Variants in CAST observed in about 807,000 individuals in gnomAD.
CAST encodes MIR583 host.
CAST carries 76 observed loss-of-function variants against 119.6 expected under a neutral mutation model. That is an observed-to-expected ratio of 0.64 (90% CI 0.53 to 0.77). The LOEUF (loss-of-function observed/expected upper bound fraction) is 0.77. Ranked by LOEUF, CAST falls within the 30% of genes least tolerant of loss-of-function variation. The pLI is 0.00. For missense variants in CAST, 953 were observed against 946.5 expected, an observed-to-expected ratio of 1.01 and a Z score of -0.09; for synonymous variants, 319 against 331.6, an observed-to-expected ratio of 0.96 and a Z score of 0.41.
At position 96,774,566 on chromosome 5, in the gene CAST, C is replaced by G. The variant is rs1773661992; in HGVS notation, c.*1950C>G. 2.0e-6 allele frequency: 2 copies of G among 985,332 alleles called. No homozygotes were observed. The highest frequency in any genetic ancestry group is 3.5e-5 in the African/African-American group (2 of 57,194). 61.0% of individuals were successfully genotyped at this position (985,332 alleles called of 1,614,324 possible). ...ATATTGTATCTGTTTAGAAAATGGG[C>G]TTTTCCAAAAGCAAACAAAGATAGG... On this transcript the variant is annotated 3_prime_UTR_variant, in exon 32 of 32. Transcript: ENST00000675179.
the CAST span, chr5:96,393,232 T>G: frequency 1.2e-6 from 2 of 1,613,856 alleles, no homozygotes; most frequent in African/African-American, 2.7e-5. Context: ...GCGGTGAGTT[T>G]TTACTGAAAG....
chr5:96,061,699 G>A, the CAST span, among the ~76,000 whole-genome samples: 6 of 151,840 alleles, frequency 4.0e-5, no homozygotes, highest in Non-Finnish European at 8.8e-5. Context: ...GTAGCCAGAA[G>A]TAAGAATACT....
At chr5:96,386,793 T>C in the CAST span, among the ~76,000 whole-genome samples, 2 of 152,132 alleles carry the variant, frequency 1.3e-5, no homozygotes, top group African/African-American at 4.8e-5. Context: ...GGCAAAACCC[T>C]GTCTCAACTG....
upstream of CAST, among the ~76,000 whole-genome samples, chr5:96,524,809 A>G (rs1580810200): frequency 6.6e-6 from 1 of 152,294 alleles, no homozygotes; most frequent in Admixed American, 6.5e-5. Context: ...GGAGAATCTT[A>G]CTTTTCAAAC....
the CAST span, among the ~76,000 whole-genome samples, chr5:96,502,692 T>A: frequency 6.6e-6 from 1 of 151,334 alleles, no homozygotes; most frequent in Non-Finnish European, 1.5e-5. Flanking sequence ...TTGACCTCTA[T>A]CTGCTTTTGG....
At position 96,741,610 on chromosome 5, in the gene CAST, G is replaced by T. The variant is rs778122707; in HGVS notation, c.1098+30G>T. On this transcript the variant is annotated intron_variant, in intron 15 of 31. Transcript: ENST00000675179. ...AGTCACAGTCTACCTGACAGCAGTT[G>T]CTTTCCAGAGCCTGATCTAGCTCAT... 8.3e-6 allele frequency: 12 copies of T among 1,444,480 alleles called. No homozygotes were observed. In the South Asian group the frequency reaches 1.4e-4, roughly 17 times the overall value. The allele number at this position is 1,444,480 out of a possible 1,614,324, so 89.5% of individuals were successfully genotyped here. A position where few individuals can be genotyped will look rare whatever the true frequency, so the allele number is the denominator to read the frequency against.
chr5:96,765,046 T>C lies in CAST; in HGVS notation c.1933-175T>C, dbSNP rs573417843. On this transcript the variant is annotated intron_variant, in intron 25 of 31. Coordinates refer to ENST00000675179, the MANE Select transcript of CAST (RefSeq NM_001750.7). ...ACAGATACTGCCGCTCTTCTCCTGA[T>C]CTTCCATTCCTAGGCTTCTCTTCTC... Among the ~76,000 whole-genome samples the C allele has an allele frequency of 1.4e-4, 22 of 152,164 alleles. No homozygotes were observed. The East Asian group carries it at 4.3e-3, about 30-fold the overall frequency.
the CAST span, among the ~76,000 whole-genome samples, chr5:96,458,199 A>C: frequency 6.6e-6 from 1 of 152,222 alleles, no homozygotes; most frequent in Non-Finnish European, 1.5e-5. Context: ...TGTAAGACAG[A>C]AAAAGTTAGA....
At chr5:96,748,060 C>G (rs189141250) in intron 18 of CAST, among the ~76,000 whole-genome samples, 75 of 152,298 alleles carry the variant, frequency 4.9e-4, no homozygotes, top group Non-Finnish European at 4.4e-4. Context: ...ACTAATACCA[C>G]TCTCCTGAAA....
chr5:96,005,068 A>G, the CAST span, among the ~76,000 whole-genome samples: 1 of 152,228 alleles, frequency 6.6e-6, no homozygotes, highest in African/African-American at 2.4e-5. Flanking sequence ...TTCTATACTT[A>G]GCCAAACCAT....
chr5:96,441,708 G>C, the CAST span, among the ~76,000 whole-genome samples: 1 of 152,132 alleles, frequency 6.6e-6, no homozygotes, highest in African/African-American at 2.4e-5. Flanking sequence ...GCATTAGTAC[G>C]TTTGACATTC....
At position 96,671,026 on chromosome 5, in the gene CAST, G is replaced by A. The variant is rs557944680; in HGVS notation, c.76-4513G>A. 3.3e-5 allele frequency among the ~76,000 whole-genome samples: 5 copies of A among 152,344 alleles called. No individual in the cohort carries two copies. The South Asian group carries it at 1.0e-3, about 32-fold the overall frequency. ...TGCTATGGCAGATTTTAAACGTATA[G>A]AGGCTGTCACCTAGAATGAGGACAA... On this transcript the variant is annotated intron_variant, in intron 1 of 31. Coordinates refer to ENST00000675179, the MANE Select transcript of CAST (RefSeq NM_001750.7).
the CAST span, among the ~76,000 whole-genome samples, chr5:96,216,160 C>T: frequency 2.0e-5 from 3 of 152,008 alleles, no homozygotes; most frequent in African/African-American, 7.3e-5. Flanking sequence ...TGTAAGAATA[C>T]AGTATATAGG....
At chr5:95,965,494 T>C in the CAST span, among the ~76,000 whole-genome samples, 1 of 152,250 alleles carries the variant, frequency 6.6e-6, no homozygotes, top group African/African-American at 2.4e-5. Context: ...TAATTCTTAT[T>C]AATGTCTTAA....
chr5:96,311,554 T>G, the CAST span, among the ~76,000 whole-genome samples: 3 of 152,078 alleles, frequency 2.0e-5, no homozygotes, highest in African/African-American at 7.2e-5. Context: ...TCTTAATATT[T>G]GTTTTATATA....
the CAST span, among the ~76,000 whole-genome samples, chr5:96,384,343 A>C: frequency 2.0e-5 from 3 of 152,320 alleles, no homozygotes; most frequent in South Asian, 4.1e-4. Flanking sequence ...GACAAGATAT[A>C]ATTATTGTTC....
intron 1 of CAST, among the ~76,000 whole-genome samples, chr5:96,655,241 A>G (rs1047385653): frequency 6.6e-6 from 1 of 152,226 alleles, no homozygotes; most frequent in Non-Finnish European, 1.5e-5. Flanking sequence ...TTAGATAACC[A>G]GATGGGAGAT....
At position 96,750,622 on chromosome 5, in the gene CAST, G is replaced by C. The variant is rs1338351134; in HGVS notation, c.1464G>C (p.Glu488Asp). Residue 488 changes from glutamate (E) to aspartate (D), a missense_variant, in exon 20 of 32, where the codon GAG (glutamate) becomes GAC (aspartate). Coordinates refer to ENST00000675179, the MANE Select transcript of CAST (RefSeq NM_001750.7). ...CCGCTGCTCCAGCTCCTGTGTCGGA[G>C]GCTGTGTGTCGGACCTCCATGTGTA... Reference protein sequence around the residue: ...SKAAAPAPVSEAVCRTSMCSI... With the variant: ...SKAAAPAPVSDAVCRTSMCSI... 6.2e-7 allele frequency: 1 copy of C among 1,613,424 alleles called. No homozygotes were observed. Among genetic ancestry groups the C allele is most frequent in the African/African-American group, 1.3e-5 (1 of 74,940 alleles).
the CAST span, among the ~76,000 whole-genome samples, chr5:96,435,931 C>T: frequency 0.015 from 2,309 of 152,274 alleles, 72 homozygotes; most frequent in African/African-American, 0.053. Flanking sequence ...TACCCTTGGG[C>T]ATACTAAACA....
Sources: gnomAD v4.1 joint callset for allele counts (sites outside exome capture counted in the v4.1 genomes callset) on GRCh38, gnomAD v4.1.1 for gene constraint, MANE v1.5 for transcripts, NCBI Gene and HGNC (gene_info 2026-07-23, HGNC 2026-07-21) for gene names.